Variants in MBOAT2 observed in about 807,000 individuals in gnomAD.
MBOAT2 encodes membrane bound glycerophospholipid O-acyltransferase 2, also known as membrane-bound glycerophospholipid O-acyltransferase 2.
Under a neutral mutation model 63.4 loss-of-function variants are expected in MBOAT2, and 28 were observed. The observed-to-expected ratio is 0.44, with a 90% CI of 0.33 to 0.61. The LOEUF (loss-of-function observed/expected upper bound fraction) is 0.61. MBOAT2 is among the 20% of genes least tolerant of loss of function. The pLI is 0.03. For missense variants in MBOAT2, 470 were observed against 605.8 expected, an observed-to-expected ratio of 0.78 and a Z score of 2.35; for synonymous variants, 211 against 215.6, an observed-to-expected ratio of 0.98 and a Z score of 0.19.
intron 3 of MBOAT2, among the ~76,000 whole-genome samples, chr2:8,936,461 A>G (rs1667663675): frequency 6.6e-6 from 1 of 152,196 alleles, no homozygotes; most frequent in Admixed American, 6.5e-5. Context: ...GCAATAATTT[A>G]TTGCATTTAC....
At chr2:8,958,363 G>T (rs1003052295) in intron 2 of MBOAT2, 134 bp downstream of exon 2, 7 of 813,386 alleles carry the variant, frequency 8.6e-6, no homozygotes, top group Non-Finnish European at 1.3e-5. Flanking sequence ...ATAAAAATAT[G>T]AAAGTTGGCC....
At chr2:8,997,170 G>C (rs551651148) in intron 1 of MBOAT2, among the ~76,000 whole-genome samples, 1 of 152,196 alleles carries the variant, frequency 6.6e-6, no homozygotes, top group Non-Finnish European at 1.5e-5. Flanking sequence ...GCTGAGGGTC[G>C]TATTTATGGC....
chr2:8,937,814 G>A (rs1468145111), intron 3 of MBOAT2, among the ~76,000 whole-genome samples: 1 of 152,150 alleles, frequency 6.6e-6, no homozygotes, highest in Non-Finnish European at 1.5e-5. Flanking sequence ...ATCATACCAT[G>A]CGCCAGGCAC....
chr2:8,950,092 A>G (rs915258900), intron 2 of MBOAT2, among the ~76,000 whole-genome samples: 1 of 152,022 alleles, frequency 6.6e-6, no homozygotes, highest in African/African-American at 2.4e-5. Flanking sequence ...TGCAAATGAG[A>G]TTACATTCTT....
intron 1 of MBOAT2, among the ~76,000 whole-genome samples, chr2:8,963,795 GC>G (rs1669796851): frequency 6.6e-6 from 1 of 152,102 alleles, no homozygotes; most frequent in Non-Finnish European, 1.5e-5. Context: ...AGCCTACTAT[GC>G]TTTTACTATG....
At chr2:8,861,667 T>C (rs1382213541) in intron 11 of MBOAT2, among the ~76,000 whole-genome samples, 1 of 152,200 alleles carries the variant, frequency 6.6e-6, no homozygotes, top group East Asian at 1.9e-4. Flanking sequence ...CTTTCATCTC[T>C]CAAAGTCCAG....
intron 5 of MBOAT2, among the ~76,000 whole-genome samples, chr2:8,887,541 C>T (rs376674301): frequency 6.6e-6 from 1 of 152,154 alleles, no homozygotes; most frequent in South Asian, 2.1e-4. Flanking sequence ...CCAAATCTCA[C>T]GACTCAGAGT....
intron 6 of MBOAT2, among the ~76,000 whole-genome samples, chr2:8,879,703 C>A (rs1013799194): frequency 3.9e-5 from 6 of 152,118 alleles, no homozygotes; most frequent in Non-Finnish European, 8.8e-5. Flanking sequence ...GCAGTAACAA[C>A]CAAAAGTGTC....
chr2:8,940,895 A>C (rs1397091590), intron 3 of MBOAT2, among the ~76,000 whole-genome samples: 1 of 152,200 alleles, frequency 6.6e-6, no homozygotes, highest in Non-Finnish European at 1.5e-5. Context: ...AAATATATTA[A>C]AACGTAATGT....
At chr2:8,967,834 T>G (rs1376697527) in intron 1 of MBOAT2, among the ~76,000 whole-genome samples, 2 of 151,818 alleles carry the variant, frequency 1.3e-5, no homozygotes, top group Non-Finnish European at 2.9e-5. Context: ...TAGATACAAC[T>G]TCATCACATA....
chr2:8,962,794 T>C lies in MBOAT2; in HGVS notation c.76-4152A>G, dbSNP rs368215967. ...TTTACTCATAAAAATTAAAAACTTCTACAAAACAACAACAACAAAAAAACT... is the reference window on the plus strand; with the variant it reads ...TTTACTCATAAAAATTAAAAACTTCCACAAAACAACAACAACAAAAAAACT... On this transcript the variant is annotated intron_variant, in intron 1 of 12. Transcript: ENST00000305997. 4.6e-5 allele frequency among the ~76,000 whole-genome samples: 7 copies of C among 151,984 alleles called. No individual in the cohort carries two copies. In the South Asian group the frequency reaches 8.3e-4, roughly 18 times the overall value.
chr2:8,959,839 AG>A (rs1363048876), intron 1 of MBOAT2, among the ~76,000 whole-genome samples: 1 of 152,226 alleles, frequency 6.6e-6, no homozygotes, highest in Non-Finnish European at 1.5e-5. Flanking sequence ...CTATAAATAA[AG>A]GAAAAAATCC....
At chr2:8,928,607 T>A (rs1292493490) in intron 3 of MBOAT2, among the ~76,000 whole-genome samples, 1 of 151,936 alleles carries the variant, frequency 6.6e-6, no homozygotes, top group Non-Finnish European at 1.5e-5. Context: ...CTGAGAATTT[T>A]AAAAAATCTG....
chr2:8,892,787 G>A (rs1664099274), intron 4 of MBOAT2, among the ~76,000 whole-genome samples: 1 of 152,068 alleles, frequency 6.6e-6, no homozygotes, highest in Admixed American at 6.6e-5. Context: ...CAGGAAGAGA[G>A]AAAAGTAAGT....
At chr2:8,986,683 T>C (rs1214565941) in intron 1 of MBOAT2, among the ~76,000 whole-genome samples, 2 of 152,224 alleles carry the variant, frequency 1.3e-5, no homozygotes, top group Non-Finnish European at 2.9e-5. Flanking sequence ...CCCAATGTGA[T>C]GGCATTTGGA....
intron 3 of MBOAT2, among the ~76,000 whole-genome samples, chr2:8,919,158 G>A (rs1024562288): frequency 2.6e-5 from 4 of 152,142 alleles, no homozygotes; most frequent in Non-Finnish European, 4.4e-5. Context: ...TTCACCAGCC[G>A]GTGAATATTT....
At chr2:8,872,999 T>C in intron 8 of MBOAT2, 109 bp downstream of exon 8, 1 of 931,496 alleles carries the variant, frequency 1.1e-6, no homozygotes, top group Non-Finnish European at 1.5e-6. Flanking sequence ...GACTTAATTT[T>C]TCCAATTGGT....
intron 4 of MBOAT2, among the ~76,000 whole-genome samples, chr2:8,898,940 C>T (rs1160190596): frequency 6.6e-6 from 1 of 152,168 alleles, no homozygotes; most frequent in South Asian, 2.1e-4. Flanking sequence ...CTCCACTGAC[C>T]ATTCGGTTTT....
At chr2:8,928,636 T>C (rs779589708) in intron 3 of MBOAT2, among the ~76,000 whole-genome samples, 34 of 152,100 alleles carry the variant, frequency 2.2e-4, no homozygotes, top group South Asian at 1.7e-3. Context: ...AGAATAATTA[T>C]AATAAAATTT....
Sources: gnomAD v4.1 joint callset for allele counts (sites outside exome capture counted in the v4.1 genomes callset) on GRCh38, gnomAD v4.1.1 for gene constraint, MANE v1.5 for transcripts, NCBI Gene and HGNC (gene_info 2026-07-23, HGNC 2026-07-21) for gene names.